BSN: variants seen among roughly 807,000 people sequenced by gnomAD.
BSN encodes protein bassoon.
A neutral mutation model predicts 264.8 loss-of-function variants in BSN; 57 were observed. The observed-to-expected ratio is 0.22, with a 90% CI of 0.17 to 0.27. BSN has a LOEUF of 0.27. Among genes scored for constraint, BSN ranks in the 10% least tolerant of loss-of-function variants. The probability of loss-of-function intolerance (pLI) is 1.00; values close to 1 mark genes in which losing one functional copy is unlikely to be tolerated. For missense variants in BSN, 4,615 were observed against 5,232.5 expected (o/e 0.88, Z 3.64); for synonymous variants, 2,059 against 2,137.3 (o/e 0.96, Z 1.01).
chr3:49,605,944 AAT>A (rs1163818893), intron 1 of BSN, among the ~76,000 whole-genome samples: 10 of 91,864 alleles, frequency 1.1e-4, no homozygotes, highest in South Asian at 3.6e-4. Flanking sequence ...TTTATATATA[AAT>A]ATATATAAAT....
intron 1 of BSN, among the ~76,000 whole-genome samples, chr3:49,575,646 G>A (rs28641866): frequency 8.0e-5 from 5 of 62,694 alleles, no homozygotes; most frequent in East Asian, 1.1e-3. Context: ...GTATATATAT[G>A]TGTGTGTGTG....
Position 49,669,650 on chromosome 3 carries a change from A to G in BSN, c.*2165A>G, listed in dbSNP as rs1325142921. ...GATCTGGGCTGGAGCTAGGGGGTCAATGGATGCTCAGGAAGAGCTGGGCCT... is the reference window on the plus strand; with the variant it reads ...GATCTGGGCTGGAGCTAGGGGGTCAGTGGATGCTCAGGAAGAGCTGGGCCT... On this transcript the variant is annotated 3_prime_UTR_variant, in exon 12 of 12. Transcript: ENST00000296452. 1 of 152,300 alleles carries G rather than the reference A, an allele frequency of 6.6e-6. No homozygotes were observed. Among genetic ancestry groups the G allele is most frequent in the East Asian group, 1.9e-4 (1 of 5,198 alleles). 9.4% of individuals were successfully genotyped at this position (152,300 alleles called of 1,614,324 possible). A position where few individuals can be genotyped will look rare whatever the true frequency, so the allele number is the denominator to read the frequency against.
At chr3:49,589,082 ATTT>A (rs55919876) in intron 1 of BSN, among the ~76,000 whole-genome samples, 9 of 132,456 alleles carry the variant, frequency 6.8e-5, no homozygotes, top group Non-Finnish European at 1.4e-4. Context: ...GCCTGGCTAA[ATTT>A]TTTTTTTTTT....
chr3:49,641,623 G>A (rs1409599624), intron 2 of BSN: 1 of 152,108 alleles, frequency 6.6e-6, no homozygotes, highest in Non-Finnish European at 1.5e-5. Flanking sequence ...CACTTACATT[G>A]CATTACTTTA....
At chr3:49,574,392 C>G (rs1293694664) in intron 1 of BSN, among the ~76,000 whole-genome samples, 2 of 152,040 alleles carry the variant, frequency 1.3e-5, no homozygotes, top group Non-Finnish European at 2.9e-5. Context: ...CTGGCAGGTT[C>G]CCCACAGGAA....
chr3:49,573,118 C>A (rs1439883665), intron 1 of BSN, among the ~76,000 whole-genome samples: 1 of 152,196 alleles, frequency 6.6e-6, no homozygotes, highest in Non-Finnish European at 1.5e-5. Context: ...GAGAGACTAA[C>A]TTTAATCACA....
intron 1 of BSN, among the ~76,000 whole-genome samples, chr3:49,600,194 T>C (rs2052061699): frequency 1.3e-5 from 2 of 152,174 alleles, no homozygotes; most frequent in South Asian, 2.1e-4. Flanking sequence ...AGATCCTGAA[T>C]TGGCAGCCTG....
chr3:49,633,775 GA>G (rs1479347816), intron 2 of BSN, among the ~76,000 whole-genome samples: 2 of 152,192 alleles, frequency 1.3e-5, no homozygotes, highest in African/African-American at 4.8e-5. Flanking sequence ...AGGACAATCT[GA>G]CACATGATAC....
intron 2 of BSN, among the ~76,000 whole-genome samples, chr3:49,633,732 A>T (rs577225393): frequency 6.6e-6 from 1 of 152,350 alleles, no homozygotes; most frequent in African/African-American, 2.4e-5. Flanking sequence ...ACATACATAC[A>T]CACAACGAAA....
rs1411621053 is a variant in BSN at position 49,646,008 on chromosome 3, C to G, written c.1518+2856C>G. On this transcript the variant is annotated intron_variant, in intron 3 of 11. Coordinates refer to ENST00000296452, the MANE Select transcript of BSN (RefSeq NM_003458.4). ...CCTGTTAGACCTCCTGGGACTCCAC[C>G]TGAGGCCACAGTCAACCATCTGGGC... is the stretch of plus-strand genomic sequence containing the variant. Among the ~76,000 whole-genome samples the G allele has an allele frequency of 2.0e-5, 3 of 152,244 alleles. No individual in the cohort carries two copies. In the East Asian group the frequency reaches 5.8e-4, roughly 29 times the overall value.
At chr3:49,605,853 AT>A (rs1559603144) in intron 1 of BSN, among the ~76,000 whole-genome samples, 4 of 60,572 alleles carry the variant, frequency 6.6e-5, no homozygotes, top group Non-Finnish European at 1.2e-4. Flanking sequence ...ATATTTATAT[AT>A]AATATATTTA....
Position 49,661,551 on chromosome 3 carries a change from G to T in BSN, c.9706G>T (p.Asp3236Tyr). ...TCCTCGAAACTACGTAATGATTGATGACATCAGTGAACTGACCAAGGACAG... is the reference window on the plus strand; with the variant it reads ...TCCTCGAAACTACGTAATGATTGATTACATCAGTGAACTGACCAAGGACAG... ...NVPRNYVMID[D>Y]ISELTKDSTS... The change falls in exon 6 of 12, where the codon GAC (aspartate) becomes TAC (tyrosine). Residue 3236 changes from aspartate (D) to tyrosine (Y), a missense_variant. Asp to Tyr is a radical substitution (Grantham distance 160). Coordinates refer to ENST00000296452, the MANE Select transcript of BSN (RefSeq NM_003458.4). 6.2e-7 allele frequency: 1 copy of T among 1,614,016 alleles called. No homozygotes were observed. The highest frequency in any genetic ancestry group is 1.1e-5 in the South Asian group (1 of 91,084).
At chr3:49,607,498 G>T (rs1356742871) in intron 1 of BSN, among the ~76,000 whole-genome samples, 1 of 152,092 alleles carries the variant, frequency 6.6e-6, no homozygotes, top group Non-Finnish European at 1.5e-5. Flanking sequence ...TGCCATGTAG[G>T]GTGTGATCAC....
Position 49,655,404 on chromosome 3 carries a change from C to T in BSN, c.5848C>T (p.Pro1950Ser), listed in dbSNP as rs774221071. The change falls in exon 5 of 12, where the codon CCT becomes TCT. Residue 1950 changes from proline (P) to serine (S), a missense_variant. Coordinates refer to ENST00000296452, the MANE Select transcript of BSN (RefSeq NM_003458.4). ...PFYGPRDPEP[P>S]EPPTYRAQGV... is the part of the protein sequence containing the mutation. ...CTATGGTCCCCGGGACCCTGAGCCT[C>T]CTGAGCCCCCAACCTACCGGGCACA... 5.7e-6 allele frequency: 9 copies of T among 1,572,338 alleles called. No homozygotes were observed. In the South Asian group the frequency reaches 7.2e-5, roughly 13 times the overall value.
At chr3:49,643,234 A>G in intron 3 of BSN, 82 bp downstream of exon 3, 4 of 1,505,692 alleles carry the variant, frequency 2.7e-6, no homozygotes, top group Non-Finnish European at 2.7e-6. Flanking sequence ...AACCAGAAAG[A>G]GTTCTGGGTC....
At chr3:49,557,260 G>A (rs575996983) in intron 1 of BSN, among the ~76,000 whole-genome samples, 47 of 152,284 alleles carry the variant, frequency 3.1e-4, no homozygotes, top group Non-Finnish European at 5.7e-4. Context: ...GTGCTGGTTT[G>A]GGAGAAAGCT....
intron 2 of BSN, among the ~76,000 whole-genome samples, chr3:49,631,468 A>G (rs1176447822): frequency 4.0e-5 from 6 of 151,772 alleles, no homozygotes. Flanking sequence ...TGAGGTCAGA[A>G]GATCACTTGA....
chr3:49,642,635 C>T lies in BSN; in HGVS notation c.1001C>T (p.Ala334Val), dbSNP rs751864552. 6.2e-7 allele frequency: 1 copy of T among 1,603,100 alleles called. No homozygotes were observed. The highest frequency in any genetic ancestry group is 8.5e-7 in the Non-Finnish European group (1 of 1,173,740). ...GCCAAAAGTGCCACCGCAGTGCCCG[C>T]TGGGCTTGGTGCCACTGAGCAGACC... ...APAKSATAVP[A>V]GLGATEQTQE... is the part of the protein sequence containing the mutation. The change falls in exon 3 of 12, where the codon GCT becomes GTT. Residue 334 changes from alanine to valine, a missense_variant. Coordinates refer to ENST00000296452, the MANE Select transcript of BSN (RefSeq NM_003458.4). The surrounding 1 kb of genome is among the most constrained non-coding windows in gnomAD (Gnocchi z 7.0).
At chr3:49,640,277 G>A (rs945460365) in intron 2 of BSN, among the ~76,000 whole-genome samples, 12 of 152,196 alleles carry the variant, frequency 7.9e-5, no homozygotes, top group African/African-American at 2.9e-4. Context: ...AAATTGCCAG[G>A]ATGAATGAAG....
Sources: gnomAD v4.1 joint callset for allele counts (sites outside exome capture counted in the v4.1 genomes callset) on GRCh38, gnomAD v4.1.1 for gene constraint, Gnocchi (gnomAD v3.1) non-coding constraint, MANE v1.5 for transcripts, NCBI Gene and HGNC (gene_info 2026-07-23, HGNC 2026-07-21) for gene names.